MINDY4: variants seen among roughly 807,000 people sequenced by gnomAD.
The protein encoded by MINDY4 is probable ubiquitin carboxyl-terminal hydrolase MINDY-4.
In MINDY4, 68 loss-of-function variants were observed where a neutral mutation model predicts 87.0. The ratio of observed to expected loss-of-function variants is 0.78; its 90% confidence interval spans 0.64 to 0.96. The LOEUF is 0.96. Ranked by LOEUF, MINDY4 falls within the 40% of genes least tolerant of loss-of-function variation. MINDY4 has a pLI of 0.00. For missense variants in MINDY4, 919 were observed against 928.2 expected (o/e 0.99, Z 0.13); for synonymous variants, 379 against 363.2 (o/e 1.04, Z -0.50).
At chr7:30,880,041 A>C (rs1460233161) in intron 15 of MINDY4, among the ~76,000 whole-genome samples, 1 of 152,190 alleles carries the variant, frequency 6.6e-6, no homozygotes, top group Admixed American at 6.5e-5. Context: ...TCAATCTGGT[A>C]AGCTCCATAA....
intron 5 of MINDY4, among the ~76,000 whole-genome samples, chr7:30,809,491 G>C (rs576060424): frequency 6.6e-6 from 1 of 150,456 alleles, no homozygotes; most frequent in East Asian, 1.9e-4. Context: ...GGCCCGACCA[G>C]ACCTAGGAGG....
chr7:30,819,305 G>T (rs529780715), intron 5 of MINDY4, among the ~76,000 whole-genome samples: 1 of 152,190 alleles, frequency 6.6e-6, no homozygotes, highest in African/African-American at 2.4e-5. Flanking sequence ...CTAATGCATG[G>T]GTTATTTTGG....
chr7:30,781,941 ATAAAT>A, intron 2 of MINDY4, 31 bp from the exon 3 acceptor site: 1 of 1,457,522 alleles, frequency 6.9e-7, no homozygotes, highest in Non-Finnish European at 9.6e-7. Flanking sequence ...GAAGCTGTAT[ATAAAT>A]TAATGATTTT....
chr7:30,792,539 CT>C (rs1013329248), intron 5 of MINDY4, among the ~76,000 whole-genome samples: 1 of 152,162 alleles, frequency 6.6e-6, no homozygotes, highest in Non-Finnish European at 1.5e-5. Flanking sequence ...CAATTAAAAA[CT>C]TTTTAATTCA....
intron 5 of MINDY4, among the ~76,000 whole-genome samples, chr7:30,815,622 C>CT (rs1788125277): frequency 6.6e-6 from 1 of 152,234 alleles, no homozygotes; most frequent in Admixed American, 6.5e-5. Context: ...AGAGTGGTTA[C>CT]TCAATGAATT....
intron 5 of MINDY4, among the ~76,000 whole-genome samples, chr7:30,812,840 C>T (rs1354349162): frequency 1.3e-5 from 2 of 152,150 alleles, no homozygotes; most frequent in Admixed American, 1.3e-4. Context: ...ACTTCTGGAC[C>T]TTTGATTCCA....
chr7:30,832,938 G>A (rs1013784361), intron 6 of MINDY4, among the ~76,000 whole-genome samples: 6 of 151,892 alleles, frequency 4.0e-5, no homozygotes, highest in African/African-American at 1.5e-4. Context: ...ATTCTCTTAT[G>A]CTTAATCTAT....
chr7:30,836,171 A>G (rs900429782), intron 6 of MINDY4, among the ~76,000 whole-genome samples: 5 of 152,214 alleles, frequency 3.3e-5, no homozygotes, highest in African/African-American at 1.2e-4. Context: ...GCAAGTTACA[A>G]TAGTGATTAT....
rs775855866 is a variant in MINDY4, at chr7:30,771,470, G to A, written c.-24G>A. On this transcript the variant is annotated 5_prime_UTR_variant, in exon 1 of 18. In the 5' UTR this introduces an upstream ATG that the reference lacks. Transcript: ENST00000265299. Reference sequence around the variant, plus strand: ...GGTGCTGCGGCCCGGCGTGGGCCTCGTGGGCAGAGCCAGAGCCAGAGCCAT... The same window carrying A: ...GGTGCTGCGGCCCGGCGTGGGCCTCATGGGCAGAGCCAGAGCCAGAGCCAT... 6.3e-7 allele frequency: 1 copy of A among 1,595,604 alleles called. No individual in the cohort carries two copies.
chr7:30,847,548 A>C (rs1448384632), intron 9 of MINDY4, among the ~76,000 whole-genome samples: 1 of 149,676 alleles, frequency 6.7e-6, no homozygotes, highest in African/African-American at 2.5e-5. Context: ...TTTACTAACT[A>C]TCTGATCTGA....
At chr7:30,785,441 T>A (rs1787135372) in intron 3 of MINDY4, among the ~76,000 whole-genome samples, 1 of 152,222 alleles carries the variant, frequency 6.6e-6, no homozygotes, top group African/African-American at 2.4e-5. Context: ...GTTATAGTTT[T>A]CCTTAATCAT....
chr7:30,853,552 G>T (rs1789482870), intron 12 of MINDY4, 93 bp downstream of exon 12: 6 of 1,145,528 alleles, frequency 5.2e-6, no homozygotes, highest in Non-Finnish European at 7.7e-6. Flanking sequence ...TTGTTCTCCT[G>T]TCGTCCCACC....
chr7:30,779,519 G>A (rs1786937841), intron 2 of MINDY4: 1 of 152,152 alleles, frequency 6.6e-6, no homozygotes, highest in South Asian at 2.1e-4. Context: ...GCAATAAAAT[G>A]ATATCTCATG....
At chr7:30,845,823 A>G (rs987185379) in intron 9 of MINDY4, among the ~76,000 whole-genome samples, 3 of 152,216 alleles carry the variant, frequency 2.0e-5, no homozygotes, top group Admixed American at 2.0e-4. Context: ...TTTTTTCTGC[A>G]GGACTGTCTG....
At chr7:30,794,037 A>T (rs78467157) in intron 5 of MINDY4, among the ~76,000 whole-genome samples, 8,035 of 152,222 alleles carry the variant, frequency 0.053, 655 homozygotes, top group African/African-American at 0.18. Context: ...GGGCACACAG[A>T]CTGGCAAATG....
At chr7:30,815,792 C>T (rs1476277583) in intron 5 of MINDY4, among the ~76,000 whole-genome samples, 2 of 152,178 alleles carry the variant, frequency 1.3e-5, no homozygotes, top group Non-Finnish European at 2.9e-5. Flanking sequence ...TTCAGCCGTG[C>T]CCAGGAAACC....
Position 30,828,722 on chromosome 7 carries a change from G to T in MINDY4, c.1117G>T (p.Gly373Cys). 6.2e-7 allele frequency: 1 copy of T among 1,613,316 alleles called. No homozygotes were observed. Residue 373 changes from glycine to cysteine, a missense_variant, in exon 6 of 18, where the codon GGT (glycine) becomes TGT (cysteine). Gly to Cys is a radical substitution (Grantham distance 159, BLOSUM62 -3). Coordinates refer to ENST00000265299, the MANE Select transcript of MINDY4 (RefSeq NM_032222.3). Reference protein sequence around the residue: ...LPSDKVDGELGALRLEDVEDE... With the variant: ...LPSDKVDGELCALRLEDVEDE... ...GTCTGACAAGGTGGATGGTGAGCTG[G>T]GTGCCCTGCGGCTCGGTAGGTGCAG...
At chr7:30,809,173 C>T (rs2893395) in intron 5 of MINDY4, among the ~76,000 whole-genome samples, 39,431 of 151,926 alleles carry the variant, frequency 0.26, 5,687 homozygotes, top group Non-Finnish European at 0.32. Flanking sequence ...ACTTTGTTGT[C>T]AGTGTAAACA....
At chr7:30,868,447 G>C (rs1790004290) in intron 13 of MINDY4, among the ~76,000 whole-genome samples, 1 of 152,248 alleles carries the variant, frequency 6.6e-6, no homozygotes, top group Non-Finnish European at 1.5e-5. Context: ...GAAGGTGCCT[G>C]AGACTATGCA....
Sources: allele counts gnomAD v4.1 joint callset (sites outside exome capture counted in the v4.1 genomes callset), GRCh38; gene constraint gnomAD v4.1.1; transcripts MANE v1.5; gene names NCBI Gene and HGNC (gene_info 2026-07-23, HGNC 2026-07-21).